ARSG: variants seen among roughly 807,000 people sequenced by gnomAD.
ARSG encodes ASG.
A neutral mutation model predicts 50.5 loss-of-function variants in ARSG; 37 were observed. The ratio of observed to expected loss-of-function variants is 0.73; its 90% confidence interval spans 0.56 to 0.96. ARSG has a LOEUF of 0.96. ARSG is among the 50% of genes least tolerant of loss of function. The pLI is 0.00. For synonymous variants in ARSG, 225 were observed against 254.6 expected, an observed-to-expected ratio of 0.88 and a Z score of 1.11; for missense variants, 629 against 675.3, an observed-to-expected ratio of 0.93 and a Z score of 0.76.
intron 11 of ARSG, among the ~76,000 whole-genome samples, chr17:68,407,495 A>T (rs2081782265): frequency 6.6e-6 from 1 of 151,900 alleles, no homozygotes; most frequent in Non-Finnish European, 1.5e-5. Context: ...CATGAGCATG[A>T]GATGTGTTTC....
rs763410358 is a variant in ARSG at position 68,320,024 on chromosome 17, C to T, written c.218+12313C>T. 3.3e-5 allele frequency among the ~76,000 whole-genome samples: 5 copies of T among 151,476 alleles called. No homozygotes were observed. In the East Asian group the frequency reaches 5.9e-4, roughly 18 times the overall value. Reference sequence around the variant, plus strand: ...TGCCGTGGCTGGGTGCGGTGGCTGACGCCTGTAATCCAAACACTTTGGGAG... The same window carrying T: ...TGCCGTGGCTGGGTGCGGTGGCTGATGCCTGTAATCCAAACACTTTGGGAG... On this transcript the variant is annotated intron_variant, in intron 2 of 11. Transcript: ENST00000621439.
chr17:68,280,985 GC>G (rs1323494365), intron 1 of ARSG, among the ~76,000 whole-genome samples: 2 of 151,954 alleles, frequency 1.3e-5, no homozygotes, highest in Non-Finnish European at 2.9e-5. Context: ...AATTAACTGG[GC>G]CTGGTGGCAC....
At chr17:68,273,165 C>G (rs1180066891) in intron 1 of ARSG, among the ~76,000 whole-genome samples, 4 of 151,758 alleles carry the variant, frequency 2.6e-5, no homozygotes, top group Non-Finnish European at 5.9e-5. Context: ...GTGTGTGTAT[C>G]TATCATCTAT....
At chr17:68,437,974 G>A in the ARSG span, among the ~76,000 whole-genome samples, 228 of 64,480 alleles carry the variant, frequency 3.5e-3, no homozygotes, top group Middle Eastern at 0.015. Flanking sequence ...AAAAAAAAAA[G>A]TGACTGGCGT....
At chr17:68,307,815 A>T in intron 2 of ARSG, 104 bp downstream of exon 2, 1 of 654,830 alleles carries the variant, frequency 1.5e-6, no homozygotes, top group Non-Finnish European at 2.7e-6. Flanking sequence ...TGATGGACCC[A>T]TGCTGATTTA....
At chr17:68,450,188 G>T in the ARSG span, among the ~76,000 whole-genome samples, 4 of 152,290 alleles carry the variant, frequency 2.6e-5, no homozygotes, top group Admixed American at 2.0e-4. Context: ...GTCTTCAAGG[G>T]TTAGCTGGGA....
chr17:68,367,985 G>A lies in ARSG; in HGVS notation c.705-563G>A, dbSNP rs1267134403. Among the ~76,000 whole-genome samples, 1 of 152,090 alleles carries A rather than the reference G, an allele frequency of 6.6e-6. No homozygotes were observed. Among genetic ancestry groups the A allele is most frequent in the Non-Finnish European group, 1.5e-5 (1 of 68,004 alleles). On this transcript the variant is annotated intron_variant, in intron 6 of 11. Coordinates refer to ENST00000621439, the MANE Select transcript of ARSG (RefSeq NM_001267727.2). This position sits in a 1 kb window ranked among gnomAD's most constrained non-coding sequence, Gnocchi z 4.5. ...CTCAGGAGGCTGAGGCGGGAGTATC[G>A]CTTGAACCCAGGAGGCGGAAGTTGC... is the stretch of plus-strand genomic sequence containing the variant.
chr17:68,308,754 C>T (rs1471148817), intron 2 of ARSG, among the ~76,000 whole-genome samples: 2 of 152,232 alleles, frequency 1.3e-5, no homozygotes, highest in East Asian at 1.9e-4. Context: ...AAACCTTGAG[C>T]TAGATACAGA....
chr17:68,402,055 T>C (rs1423628630), intron 11 of ARSG, among the ~76,000 whole-genome samples: 1 of 152,230 alleles, frequency 6.6e-6, no homozygotes, highest in Admixed American at 6.5e-5. Flanking sequence ...TTCCTTGGTC[T>C]CCATATTAAA....
intron 1 of ARSG, among the ~76,000 whole-genome samples, chr17:68,286,050 C>T (rs531062359): frequency 2.0e-5 from 3 of 152,266 alleles, no homozygotes; most frequent in South Asian, 2.1e-4. Flanking sequence ...TGAGCCACCG[C>T]GCCTGGCATA....
the ARSG span, among the ~76,000 whole-genome samples, chr17:68,451,866 A>G: frequency 6.6e-6 from 1 of 152,220 alleles, no homozygotes; most frequent in South Asian, 2.1e-4. Context: ...CGGCTTTGGT[A>G]TCTTTCTGAG....
chr17:68,278,085 T>C (rs1555751575), intron 1 of ARSG: 4 of 1,608,004 alleles, frequency 2.5e-6, no homozygotes, highest in Admixed American at 1.7e-5. Context: ...AAAGATGTAC[T>C]AACCTGAAAA....
rs375841879 is a variant in ARSG, at chr17:68,379,421, ATTT to A, written c.983-5616_983-5614del. 3.7e-3 allele frequency among the ~76,000 whole-genome samples: 264 copies of A among 72,254 alleles called. 1 individual carries two copies. Among genetic ancestry groups the A allele is most frequent in the African/African-American group, 0.016 (260 of 15,816 alleles). 47.4% of individuals were successfully genotyped at this position (72,254 alleles called of 152,430 possible). A position where few individuals can be genotyped will look rare whatever the true frequency, so the allele number is the denominator to read the frequency against. ...GTGCCACCATGCCTGGAACACTACA[ATTT>A]TTTTTTTTTTTTTTTTTTTTTTTTT... On this transcript the variant is annotated intron_variant, in intron 8 of 11. Transcript: ENST00000621439.
chr17:68,275,346 T>C (rs2145015060), intron 1 of ARSG, among the ~76,000 whole-genome samples: 1 of 152,280 alleles, frequency 6.6e-6, no homozygotes, highest in South Asian at 2.1e-4. Flanking sequence ...AAAAAAGGAT[T>C]CCATTTTTTT....
intron 9 of ARSG, among the ~76,000 whole-genome samples, chr17:68,392,351 C>T (rs1396942579): frequency 2.6e-5 from 4 of 152,082 alleles, no homozygotes; most frequent in Non-Finnish European, 4.4e-5. Context: ...TAACCTTGCA[C>T]CATATGACTT....
chr17:68,309,824 A>G (rs1437989588), intron 2 of ARSG, among the ~76,000 whole-genome samples: 4 of 151,806 alleles, frequency 2.6e-5, no homozygotes, highest in African/African-American at 9.7e-5. Context: ...GCACCACTGC[A>G]CTCCAGCCTG....
At chr17:68,427,461 A>AGG, downstream of ARSG, 1 of 373,828 alleles carries the variant, frequency 2.7e-6, no homozygotes, top group Non-Finnish European at 4.9e-6. Context: ...GGTTCAAGCG[A>AGG]TTCTCCTGCC....
At chr17:68,430,297 C>A in the ARSG span, 1 of 814,002 alleles carries the variant, frequency 1.2e-6, no homozygotes, top group South Asian at 1.9e-5. Context: ...GTTCTGCCCA[C>A]TGAGAACAAT....
chr17:68,425,411 G>T (rs1356918302), downstream of ARSG, among the ~76,000 whole-genome samples: 4 of 149,834 alleles, frequency 2.7e-5, no homozygotes, highest in East Asian at 5.8e-4. Flanking sequence ...GGTGGAGATG[G>T]GGTTTTGCTG....
Sources: gnomAD v4.1 joint callset for allele counts (sites outside exome capture counted in the v4.1 genomes callset) on GRCh38, gnomAD v4.1.1 for gene constraint, Gnocchi (gnomAD v3.1) non-coding constraint, MANE v1.5 for transcripts, NCBI Gene and HGNC (gene_info 2026-07-23, HGNC 2026-07-21) for gene names.